Variants in NAA15 observed in about 807,000 individuals in gnomAD.
The protein encoded by NAA15 is N-alpha-acetyltransferase 15, NatA auxiliary subunit, also known as N-terminal acetyltransferase.
A neutral mutation model predicts 114.0 loss-of-function variants in NAA15; 34 were observed. The observed-to-expected ratio is 0.30, with a 90% CI of 0.23 to 0.40. The LOEUF is 0.40. NAA15 is among the 10% of genes least tolerant of loss of function. The pLI, the probability that NAA15 is intolerant of heterozygous loss-of-function variation, is 1.00. For synonymous variants in NAA15, 340 were observed against 338.0 expected (o/e 1.01, Z -0.06); for missense variants, 658 against 1,004.5 (o/e 0.66, Z 4.66).
chr4:139,332,671 C>T (rs1293220637), intron 1 of NAA15, among the ~76,000 whole-genome samples: 1 of 145,534 alleles, frequency 6.9e-6, no homozygotes, highest in East Asian at 2.1e-4. Flanking sequence ...CAACCTCTGC[C>T]TGCTGGGTTC....
chr4:139,335,873 C>T (rs552517899), intron 2 of NAA15, among the ~76,000 whole-genome samples: 5 of 151,764 alleles, frequency 3.3e-5, no homozygotes, highest in East Asian at 1.9e-4. Flanking sequence ...AATTCTTGTG[C>T]CTCAGCCTCC....
At chr4:139,349,658 A>C in intron 7 of NAA15, 77 bp downstream of exon 7, 1 of 1,379,122 alleles carries the variant, frequency 7.3e-7, no homozygotes, top group South Asian at 1.4e-5. Context: ...TGAAAAGCAC[A>C]ACTAGAATAA....
At chr4:139,374,999 T>TA (rs755012460) in intron 15 of NAA15, among the ~76,000 whole-genome samples, 4 of 152,200 alleles carry the variant, frequency 2.6e-5, no homozygotes, top group South Asian at 2.1e-4. Flanking sequence ...GATAGTAAAT[T>TA]ACCCTGGTCA....
chr4:139,341,012 A>G lies in NAA15; in HGVS notation c.345A>G (p.Gln115=). ...TAAAATGGGATAAAGACAATCTTCA[A>G]ATCTTAAGGGACCTTTCCTTACTAC... ...NALKWDKDNL[Q]ILRDLSLLQI... The change falls in exon 4 of 20, where the codon CAA becomes CAG. Residue 115 remains glutamine, a synonymous_variant. Coordinates refer to ENST00000296543, the MANE Select transcript of NAA15 (RefSeq NM_057175.5). 6.2e-7 allele frequency: 1 copy of G among 1,610,614 alleles called. No homozygotes were observed. Among genetic ancestry groups the G allele is most frequent in the Non-Finnish European group, 8.5e-7 (1 of 1,178,572 alleles).
In NAA15 at chr4:139,356,868, A is replaced by G. The variant is rs368760402; in HGVS notation, c.1088-518A>G. The stretch of plus-strand genomic sequence containing the variant: ...TTTGACTTAAATTATGCATCTTTGC[A>G]TATTCAGCATATTAAAATATATTAA... On this transcript the variant is annotated intron_variant, in intron 10 of 19. Coordinates refer to ENST00000296543, the MANE Select transcript of NAA15 (RefSeq NM_057175.5). 2.0e-5 allele frequency among the ~76,000 whole-genome samples: 3 copies of G among 152,172 alleles called. No homozygotes were observed. The East Asian group carries it at 5.8e-4, about 29-fold the overall frequency.
intron 11 of NAA15, among the ~76,000 whole-genome samples, chr4:139,358,095 C>T (rs1748016928): frequency 6.6e-6 from 1 of 151,926 alleles, no homozygotes; most frequent in Non-Finnish European, 1.5e-5. Flanking sequence ...GTAATGAAAG[C>T]TCTTGAGGGA....
At chr4:139,309,815 A>C (rs1441606742) in intron 1 of NAA15, among the ~76,000 whole-genome samples, 1 of 152,224 alleles carries the variant, frequency 6.6e-6, no homozygotes, top group Admixed American at 6.5e-5. Flanking sequence ...GGACAACACT[A>C]TATTTTCAGA....
intron 1 of NAA15, among the ~76,000 whole-genome samples, chr4:139,329,311 G>A (rs1478870768): frequency 1.3e-5 from 2 of 151,698 alleles, no homozygotes; most frequent in Admixed American, 6.6e-5. Flanking sequence ...CTTCTTTATC[G>A]TAATTCCATC....
intron 1 of NAA15, among the ~76,000 whole-genome samples, chr4:139,322,879 A>C (rs185705232): frequency 1.8e-4 from 28 of 151,752 alleles, no homozygotes; most frequent in Middle Eastern, 6.8e-3. Context: ...TTTAGTAGAG[A>C]TGGGTTTCAC....
rs757464722 is a variant in NAA15, at chr4:139,360,653, T to G, written c.1539+25T>G. ...AGTAAGTACCTTCTACATAAAAGTT[T>G]TCTTGTTTTATTCTGTCGATGGTTT... On this transcript the variant is annotated intron_variant, in intron 13 of 19. Transcript: ENST00000296543. 6 of 1,551,778 alleles carry G rather than the reference T, an allele frequency of 3.9e-6. No individual in the cohort carries two copies. The East Asian group carries it at 1.4e-4, about 37-fold the overall frequency.
chr4:139,350,671 G>A (rs1747747710), intron 7 of NAA15, among the ~76,000 whole-genome samples: 1 of 152,194 alleles, frequency 6.6e-6, no homozygotes, highest in African/African-American at 2.4e-5. Flanking sequence ...CACCAGCAAG[G>A]AATGGTAATC....
rs570859581 is a variant in NAA15, at chr4:139,369,677, G to C, written c.1754-534G>C. 9.2e-5 allele frequency among the ~76,000 whole-genome samples: 13 copies of C among 142,052 alleles called. No homozygotes were observed. In the South Asian group the frequency reaches 3.0e-3, roughly 32 times the overall value. 93.2% of individuals were successfully genotyped at this position (142,052 alleles called of 152,430 possible). On this transcript the variant is annotated intron_variant, in intron 14 of 19. Transcript: ENST00000296543. Reference sequence around the variant, plus strand: ...TGCTTGAACCTGGGAAGCAGAGGTTGCAGTAAGCTGAGATCTCGCCACTGC... The same window carrying C: ...TGCTTGAACCTGGGAAGCAGAGGTTCCAGTAAGCTGAGATCTCGCCACTGC...
At chr4:139,369,113 G>A (rs1385181132) in intron 14 of NAA15, among the ~76,000 whole-genome samples, 1 of 152,152 alleles carries the variant, frequency 6.6e-6, no homozygotes, top group Non-Finnish European at 1.5e-5. Flanking sequence ...AATTAGACAG[G>A]ATCTCCTTTA....
chr4:139,316,967 C>T (rs1271392452), intron 1 of NAA15, among the ~76,000 whole-genome samples: 1 of 151,510 alleles, frequency 6.6e-6, no homozygotes, highest in Admixed American at 6.6e-5. Flanking sequence ...CTGTGCCTTG[C>T]TAAAACTGTT....
At chr4:139,359,632 A>G (rs1030249476) in intron 11 of NAA15, 111 bp from the exon 12 acceptor site, 1 of 1,012,700 alleles carries the variant, frequency 9.9e-7, no homozygotes, top group African/African-American at 1.7e-5. Flanking sequence ...AAGAGTCACA[A>G]GAATGCCTTT....
intron 7 of NAA15, among the ~76,000 whole-genome samples, chr4:139,350,465 A>C (rs944386115): frequency 6.6e-6 from 1 of 152,196 alleles, no homozygotes; most frequent in Admixed American, 6.5e-5. Flanking sequence ...ACTTGGATTC[A>C]GACGTGGTCC....
Position 139,311,840 on chromosome 4 carries a change from A to C in NAA15, c.54+10009A>C, listed in dbSNP as rs1178404331. Among the ~76,000 whole-genome samples the C allele has an allele frequency of 2.6e-5, 4 of 151,892 alleles. 1 individual carries two copies. In the East Asian group the frequency reaches 7.7e-4, roughly 29 times the overall value. ...AGAGCTGGGCGCAGGGGTGCATGCCAGTTACTCAGGAGTCTGAGGCAGCAA... is the reference window on the plus strand; with the variant it reads ...AGAGCTGGGCGCAGGGGTGCATGCCCGTTACTCAGGAGTCTGAGGCAGCAA... On this transcript the variant is annotated intron_variant, in intron 1 of 19. Coordinates refer to ENST00000296543, the MANE Select transcript of NAA15 (RefSeq NM_057175.5).
In NAA15 at chr4:139,357,396, G is replaced by T; in HGVS notation, c.1098G>T (p.Lys366Asn). ...CRLFNPNDDG[K>N]EEPPTTLLWV... is the part of the protein sequence containing the mutation. ...CCCTCTTCTCCTAAGATGATGGAAA[G>T]GAGGAACCACCAACCACATTACTTT... The change falls in exon 11 of 20, where the codon AAG (lysine) becomes AAT (asparagine). Residue 366 changes from lysine (K) to asparagine (N), a missense_variant. Lys to Asn is a moderately conservative substitution (Grantham distance 94, BLOSUM62 0). This residue lies in a region of NAA15 where 281 missense variants were observed against 389.1 expected (regional missense o/e 0.72). Coordinates refer to ENST00000296543, the MANE Select transcript of NAA15 (RefSeq NM_057175.5). The T allele has an allele frequency of 6.2e-7, 1 of 1,613,656 alleles. No homozygotes were observed. Among genetic ancestry groups the T allele is most frequent in the Non-Finnish European group, 8.5e-7 (1 of 1,179,810 alleles).
chr4:139,339,044 G>A (rs1322216725), intron 3 of NAA15, among the ~76,000 whole-genome samples: 1 of 150,878 alleles, frequency 6.6e-6, no homozygotes, highest in Admixed American at 6.6e-5. Context: ...CTCGTGACTT[G>A]AAGTGATCCA....
Sources: gnomAD v4.1 joint callset for allele counts (sites outside exome capture counted in the v4.1 genomes callset) on GRCh38, gnomAD v4.1.1 for gene constraint, gnomAD v4.1.1 regional missense constraint, MANE v1.5 for transcripts, NCBI Gene and HGNC (gene_info 2026-07-23, HGNC 2026-07-21) for gene names.